Variants in IL1RAPL1 observed in about 807,000 individuals in gnomAD.
The protein encoded by IL1RAPL1 is interleukin-1 receptor accessory protein-like 1.
IL1RAPL1 carries 3 observed loss-of-function variants against 48.4 expected under a neutral mutation model. That is an observed-to-expected ratio of 0.06 (90% CI 0.03 to 0.16). The LOEUF is 0.16. Ranked by LOEUF, IL1RAPL1 falls within the 10% of genes least tolerant of loss-of-function variation. The pLI, the probability that IL1RAPL1 is intolerant of heterozygous loss-of-function variation, is 1.00. For missense variants in IL1RAPL1, 349 were observed against 530.6 expected (o/e 0.66, Z 3.36); for synonymous variants, 185 against 187.7 (o/e 0.99, Z 0.12).
intron 6 of IL1RAPL1, among the ~76,000 whole-genome samples, chrX:29,854,687 A>G (rs1931443996): frequency 9.0e-6 from 1 of 111,430 alleles, no homozygotes; most frequent in African/African-American, 3.3e-5. Context: ...TATTAATAAT[A>G]CTTTCCTGGT....
intron 5 of IL1RAPL1, among the ~76,000 whole-genome samples, chrX:29,634,222 G>A (rs1238518164): frequency 8.9e-6 from 1 of 111,769 alleles, no homozygotes; most frequent in Non-Finnish European, 1.9e-5. Flanking sequence ...GGATTCAGGG[G>A]TAAAGGCTGG....
At chrX:28,804,309 TA>T (rs1936705192) in intron 2 of IL1RAPL1, among the ~76,000 whole-genome samples, 1 of 111,929 alleles carries the variant, frequency 8.9e-6, no homozygotes. Flanking sequence ...CCTCTGCTAT[TA>T]AATACCTTGC....
intron 9 of IL1RAPL1, among the ~76,000 whole-genome samples, chrX:29,949,255 G>A (rs1208032600): frequency 1.8e-5 from 2 of 111,130 alleles, no homozygotes; most frequent in African/African-American, 3.3e-5. Context: ...ATTTGTTAAC[G>A]CCACAGAGTC....
chrX:28,777,610 T>C (rs1371852046), intron 1 of IL1RAPL1, among the ~76,000 whole-genome samples: 3 of 111,795 alleles, frequency 2.7e-5, no homozygotes, highest in Non-Finnish European at 3.8e-5. Flanking sequence ...ATGTTCTCGC[T>C]GAGTAACGCT....
At chrX:29,165,090 G>T (rs757066632) in intron 2 of IL1RAPL1, among the ~76,000 whole-genome samples, 3 of 112,003 alleles carry the variant, frequency 2.7e-5, no homozygotes, top group African/African-American at 9.7e-5. Flanking sequence ...GGGCCGAGGC[G>T]GGTGGATCAC....
At chrX:28,615,528 C>G (rs1392264655) in intron 1 of IL1RAPL1, among the ~76,000 whole-genome samples, 1 of 109,948 alleles carries the variant, frequency 9.1e-6, no homozygotes, top group Non-Finnish European at 1.9e-5. Flanking sequence ...AAATAATAAA[C>G]ATGCTTCCAA....
chrX:29,120,562 G>T (rs1223313664), intron 2 of IL1RAPL1, among the ~76,000 whole-genome samples: 1 of 111,708 alleles, frequency 9.0e-6, no homozygotes, highest in South Asian at 3.7e-4. Context: ...ATAGTTTGAA[G>T]TTAGGTAATG....
At chrX:29,898,926 G>A (rs968636992) in intron 6 of IL1RAPL1, among the ~76,000 whole-genome samples, 2 of 112,017 alleles carry the variant, frequency 1.8e-5, no homozygotes, top group African/African-American at 6.5e-5. Context: ...CTATTCTCAA[G>A]TGATAACCTT....
At chrX:29,409,008 T>C (rs761838914) in intron 5 of IL1RAPL1, among the ~76,000 whole-genome samples, 10 of 112,176 alleles carry the variant, frequency 8.9e-5, no homozygotes, top group Non-Finnish European at 1.7e-4. Context: ...TTAAGCAGTG[T>C]ATTTGTGGTC....
chrX:29,570,709 C>T (rs1922563899), intron 5 of IL1RAPL1, among the ~76,000 whole-genome samples: 1 of 111,824 alleles, frequency 8.9e-6, no homozygotes. Context: ...CACAGAGTAC[C>T]AGGAGGGGAT....
intron 2 of IL1RAPL1, among the ~76,000 whole-genome samples, chrX:29,253,838 T>C (rs1241552439): frequency 1.8e-5 from 2 of 111,324 alleles, no homozygotes; most frequent in Admixed American, 1.9e-4. Context: ...GGTGAAACTA[T>C]ACATTTAGAT....
chrX:28,697,223 T>C (rs891943757), intron 1 of IL1RAPL1, among the ~76,000 whole-genome samples: 2 of 111,237 alleles, frequency 1.8e-5, no homozygotes, highest in Admixed American at 9.7e-5. Context: ...TATTGTACTA[T>C]TTATTCTCTT....
intron 1 of IL1RAPL1, among the ~76,000 whole-genome samples, chrX:28,609,855 G>T (rs1213738861): frequency 9.0e-6 from 1 of 110,944 alleles, no homozygotes; most frequent in Non-Finnish European, 1.9e-5. Flanking sequence ...ACATATTCCT[G>T]TTAAATCACC....
chrX:29,045,103 G>A (rs758849091), intron 2 of IL1RAPL1, among the ~76,000 whole-genome samples: 3 of 111,198 alleles, frequency 2.7e-5, no homozygotes, highest in Admixed American at 9.6e-5. Flanking sequence ...AGGAAAACTC[G>A]AGAGGTCCAA....
chrX:28,684,904 C>T (rs1207568629), intron 1 of IL1RAPL1, among the ~76,000 whole-genome samples: 2 of 111,685 alleles, frequency 1.8e-5, no homozygotes, highest in Non-Finnish European at 3.8e-5. Flanking sequence ...CTATTAACTA[C>T]GTTATAACCT....
At chrX:29,490,852 G>GTGTATATATATATATATATATACGTA (rs1556022575) in intron 5 of IL1RAPL1, among the ~76,000 whole-genome samples, 1 of 93,659 alleles carries the variant, frequency 1.1e-5, no homozygotes, top group African/African-American at 5.0e-5. Flanking sequence ...GTGTGTGTGT[G>GTGTATATATATATATATATATACGTA]TATATATATA....
At position 28,943,942 on chromosome X, in the gene IL1RAPL1, G is replaced by C. The variant is rs1924229995; in HGVS notation, c.82+154517G>C. ...CTACTTTTGTGAAAGTTATGCAACT[G>C]CTGCATTTGGACAAGTCAGCTCATC... On this transcript the variant is annotated intron_variant, in intron 2 of 10. Coordinates refer to ENST00000378993, the MANE Select transcript of IL1RAPL1 (RefSeq NM_014271.4). 2.7e-5 allele frequency among the ~76,000 whole-genome samples: 3 copies of C among 110,912 alleles called. No homozygotes were observed. The Admixed American group carries it at 2.9e-4, about 11-fold the overall frequency.
intron 2 of IL1RAPL1, among the ~76,000 whole-genome samples, chrX:28,928,289 A>G: frequency 9.0e-6 from 1 of 111,375 alleles, no homozygotes; most frequent in Non-Finnish European, 1.9e-5. Context: ...CTCAACCCTT[A>G]TTACTTCTCA....
At chrX:29,476,869 A>ATTTTTTTTTTTTTTTTTT (rs1934980303) in intron 5 of IL1RAPL1, among the ~76,000 whole-genome samples, 1 of 49,336 alleles carries the variant, frequency 2.0e-5, no homozygotes, top group African/African-American at 1.9e-4. Context: ...TTTTACCCAT[A>ATTTTTTTTTTTTTTTTTT]TTCTTTTTTT....
Sources: gnomAD v4.1 joint callset for allele counts (sites outside exome capture counted in the v4.1 genomes callset) on GRCh38, gnomAD v4.1.1 for gene constraint, MANE v1.5 for transcripts, NCBI Gene and HGNC (gene_info 2026-07-23, HGNC 2026-07-21) for gene names.